Variants in ERC2 observed in about 807,000 individuals in gnomAD.
ERC2 encodes ELKS/RAB6-interacting/CAST family member 2, also known as ERC protein 2.
Under a neutral mutation model 114.8 loss-of-function variants are expected in ERC2, and 42 were observed. The ratio of observed to expected loss-of-function variants is 0.37; its 90% CI spans 0.29 to 0.47. ERC2 has a LOEUF of 0.47. ERC2 is among the 20% of genes least tolerant of loss of function. The pLI is 0.99. For missense variants in ERC2, 939 were observed against 1,150.7 expected (o/e 0.82, Z 2.66); for synonymous variants, 454 against 425.5 (o/e 1.07, Z -0.82).
At chr3:55,909,622 C>T (rs984836939) in intron 13 of ERC2, among the ~76,000 whole-genome samples, 14 of 151,946 alleles carry the variant, frequency 9.2e-5, no homozygotes, top group Admixed American at 5.9e-4. Context: ...TTCAGGCAGC[C>T]ATGGGAGGGA....
At chr3:55,525,559 C>T (rs2053257142) in intron 17 of ERC2, among the ~76,000 whole-genome samples, 1 of 152,096 alleles carries the variant, frequency 6.6e-6, no homozygotes, top group Admixed American at 6.5e-5. Flanking sequence ...AAGAGAGGAA[C>T]CATCTGAGCA....
chr3:56,092,917 C>T (rs1047821199), intron 6 of ERC2, among the ~76,000 whole-genome samples: 2 of 152,134 alleles, frequency 1.3e-5, no homozygotes, highest in Non-Finnish European at 2.9e-5. Flanking sequence ...CTTAGATATG[C>T]CATGAATTTT....
intron 14 of ERC2, among the ~76,000 whole-genome samples, chr3:55,787,972 T>C (rs2069649910): frequency 6.6e-6 from 1 of 152,224 alleles, no homozygotes; most frequent in South Asian, 2.1e-4. Context: ...TATTATTGAC[T>C]AAGTAGCCAG....
intron 7 of ERC2, among the ~76,000 whole-genome samples, chr3:56,042,932 C>T (rs1277932581): frequency 6.6e-6 from 1 of 151,980 alleles, no homozygotes; most frequent in African/African-American, 2.4e-5. Context: ...ACGGAACATC[C>T]TGAAAAAGTC....
chr3:55,594,816 T>C (rs1229897942), intron 17 of ERC2, among the ~76,000 whole-genome samples: 3 of 152,176 alleles, frequency 2.0e-5, no homozygotes, highest in Non-Finnish European at 4.4e-5. Context: ...CTGCTTCTTC[T>C]TGAGTTCTTT....
Position 55,514,462 on chromosome 3 carries a change from T to A in ERC2, c.*40-3186A>T, listed in dbSNP as rs1055925239. Among the ~76,000 whole-genome samples, 5 of 152,140 alleles carry A rather than the reference T, an allele frequency of 3.3e-5. No individual in the cohort carries two copies. In the East Asian group the frequency reaches 5.8e-4, roughly 18 times the overall value. ...GTCTAAAATAAAAAATAAAATTTTT[T>A]AAAAAAGGGTGGATCTGAGTGGACC... On this transcript the variant is annotated intron_variant, in intron 17 of 17. Coordinates refer to ENST00000288221, the MANE Select transcript of ERC2 (RefSeq NM_015576.3).
At chr3:56,389,042 G>T (rs899719258) in intron 2 of ERC2, among the ~76,000 whole-genome samples, 8 of 152,100 alleles carry the variant, frequency 5.3e-5, no homozygotes, top group Admixed American at 3.3e-4. Context: ...TACAAAAATT[G>T]TAATGCATAT....
intron 2 of ERC2, among the ~76,000 whole-genome samples, chr3:56,348,968 GAAGGAAAGAAAGAAGGAAA>G: frequency 1.0e-5 from 1 of 96,992 alleles, no homozygotes; most frequent in Non-Finnish European, 2.1e-5. Flanking sequence ...AAGAAAGAAA[GAAGGAAAGAAAGAAGGAAA>G]GAAAGAAAGA....
In ERC2 at chr3:56,296,012, C is replaced by A; in HGVS notation, c.1074+7G>T. The A allele has an allele frequency of 6.4e-7, 1 of 1,565,406 alleles. No homozygotes were observed. The highest frequency in any genetic ancestry group is 1.2e-5 in the South Asian group (1 of 83,046). On this transcript the variant is annotated splice_region_variant and intron_variant, in intron 3 of 17. Coordinates refer to ENST00000288221, the MANE Select transcript of ERC2 (RefSeq NM_015576.3). ...AGGCTTTGGGGAAATACAGTGAATGCTCTTACCTCTCTAAGATGTATGTTT... is the reference window on the plus strand; with the variant it reads ...AGGCTTTGGGGAAATACAGTGAATGATCTTACCTCTCTAAGATGTATGTTT...
At chr3:55,888,991 C>T (rs1480301724) in intron 13 of ERC2, among the ~76,000 whole-genome samples, 6 of 152,200 alleles carry the variant, frequency 3.9e-5, no homozygotes, top group African/African-American at 1.4e-4. Flanking sequence ...TCTCCAAGGT[C>T]CTTGTTCAAT....
chr3:55,542,957 T>A (rs1246788494), intron 17 of ERC2, among the ~76,000 whole-genome samples: 5 of 152,210 alleles, frequency 3.3e-5, no homozygotes, highest in Non-Finnish European at 7.4e-5. Context: ...GAGAAGGGAA[T>A]CCTCTGCAGG....
chr3:55,736,347 G>A (rs962409392), intron 14 of ERC2, among the ~76,000 whole-genome samples: 26 of 152,070 alleles, frequency 1.7e-4, no homozygotes. Context: ...GTCTCTGCTA[G>A]TCCTCAAAAA....
In ERC2 at chr3:56,395,139, A is replaced by G. The variant is rs2060260520; in HGVS notation, c.657+39212T>C. Among the ~76,000 whole-genome samples the G allele has an allele frequency of 1.3e-5, 2 of 152,126 alleles. 1 individual carries two copies. Among genetic ancestry groups the G allele is most frequent in the South Asian group, 4.1e-4 (2 of 4,828 alleles). On this transcript the variant is annotated intron_variant, in intron 2 of 17. Coordinates refer to ENST00000288221, the MANE Select transcript of ERC2 (RefSeq NM_015576.3). ...GCCTAGGCCAGGGGGATCTGGGAGA[A>G]ATAGAGAATGACTGCTAATGGGTGA...
intron 2 of ERC2, among the ~76,000 whole-genome samples, chr3:56,383,239 C>T (rs2059816984): frequency 6.6e-6 from 1 of 152,102 alleles, no homozygotes; most frequent in Non-Finnish European, 1.5e-5. Context: ...CAGAGGAATC[C>T]TGTTAAAACA....
chr3:56,007,090 G>A, intron 10 of ERC2, 91 bp downstream of exon 10: 2 of 1,128,358 alleles, frequency 1.8e-6, no homozygotes, highest in Non-Finnish European at 2.5e-6. Context: ...ACAGATAAGG[G>A]GTTTGTTTCT....
chr3:55,597,158 C>T (rs186372938), intron 17 of ERC2, among the ~76,000 whole-genome samples: 32 of 152,304 alleles, frequency 2.1e-4, no homozygotes, highest in Admixed American at 1.2e-3. Flanking sequence ...CGGTGGCTCA[C>T]GCCTGTAATC....
chr3:55,938,656 C>A (rs936510017), intron 13 of ERC2, among the ~76,000 whole-genome samples: 1 of 152,090 alleles, frequency 6.6e-6, no homozygotes, highest in South Asian at 2.1e-4. Context: ...TTTAAATGTG[C>A]GGTTTTCTAA....
At chr3:55,518,604 G>A (rs1383890605) in intron 17 of ERC2, among the ~76,000 whole-genome samples, 1 of 152,104 alleles carries the variant, frequency 6.6e-6, no homozygotes, top group Non-Finnish European at 1.5e-5. Context: ...TTTGTTAAAC[G>A]TGTTTGGCAT....
At chr3:56,084,064 T>C (rs2077379514) in intron 6 of ERC2, among the ~76,000 whole-genome samples, 1 of 151,686 alleles carries the variant, frequency 6.6e-6, no homozygotes, top group Non-Finnish European at 1.5e-5. Flanking sequence ...AAGAATGCCA[T>C]AAGAAACCAA....
Sources: gnomAD v4.1 joint callset for allele counts (sites outside exome capture counted in the v4.1 genomes callset) on GRCh38, gnomAD v4.1.1 for gene constraint, MANE v1.5 for transcripts, NCBI Gene and HGNC (gene_info 2026-07-23, HGNC 2026-07-21) for gene names.